Variants in NBPF9 observed in about 807,000 individuals in gnomAD.
NBPF9 encodes the protein NBPF family member NBPF9.
In NBPF9, 91 loss-of-function variants were observed where a neutral mutation model predicts 97.8. The ratio of observed to expected loss-of-function variants is 0.93; its 90% CI spans 0.79 to 1.11. NBPF9 has a LOEUF of 1.11. Among genes scored for constraint, NBPF9 ranks in the 50% least tolerant of loss-of-function variants. The pLI is 0.00. For missense variants in NBPF9, 992 were observed against 939.5 expected (o/e 1.06, Z -0.73); for synonymous variants, 334 against 359.5 (o/e 0.93, Z 0.80).
At position 149,076,699 on chromosome 1, in the gene NBPF9, G is replaced by A. The variant is rs1431551988; in HGVS notation, c.778+509C>T. Reference sequence around the variant, plus strand: ...TTTTTTTTGCATTTTTAGTAAAGACGGGGTTTCACCGTGTTAGCCAGGATG... The same window carrying A: ...TTTTTTTTGCATTTTTAGTAAAGACAGGGTTTCACCGTGTTAGCCAGGATG... On this transcript the variant is annotated intron_variant, in intron 11 of 29. Transcript: ENST00000584027. Among the ~76,000 whole-genome samples, 5 of 147,484 alleles carry A rather than the reference G, an allele frequency of 3.4e-5. 1 individual carries two copies. The highest frequency in any genetic ancestry group is 2.2e-4 in the South Asian group (1 of 4,630).
chr1:149,090,554 A>C, intron 5 of NBPF9, 199 bp downstream of exon 5: 1 of 519,112 alleles, frequency 1.9e-6, no homozygotes, highest in African/African-American at 1.9e-5. Context: ...GCCTAATGCA[A>C]TAAAGAATGC....
intron 4 of NBPF9, among the ~76,000 whole-genome samples, chr1:149,098,181 A>C (rs2081917544): frequency 6.6e-6 from 1 of 151,740 alleles, no homozygotes; most frequent in South Asian, 2.1e-4. Context: ...TCTAGCTACT[A>C]AGGAAAAGTC....
At position 149,092,817 on chromosome 1, in the gene NBPF9, C is replaced by T. The variant is rs1232992142; in HGVS notation, c.-336-1923G>A. 3 of 850,710 alleles carry T rather than the reference C, an allele frequency of 3.5e-6. No homozygotes were observed. The African/African-American group carries it at 5.5e-5, about 16-fold the overall frequency. 52.7% of individuals were successfully genotyped at this position (850,710 alleles called of 1,614,324 possible). Reference sequence around the variant, plus strand: ...AAGACAATGAGGGGTATTTCAGGCACTTGAGGAGTGTGGCTTTACTATTAT... The same window carrying T: ...AAGACAATGAGGGGTATTTCAGGCATTTGAGGAGTGTGGCTTTACTATTAT... On this transcript the variant is annotated intron_variant, in intron 4 of 29. Transcript: ENST00000584027.
rs1265987143 is a variant in NBPF9, at chr1:149,064,414, C to A, written c.1853+17G>T. 2 of 960,994 alleles carry A rather than the reference C, an allele frequency of 2.1e-6. No individual in the cohort carries two copies. Among genetic ancestry groups the A allele is most frequent in the Non-Finnish European group, 3.3e-6 (2 of 608,838 alleles). The allele number at this position is 960,994 out of a possible 1,614,324, so 59.5% of individuals were successfully genotyped here. A position where few individuals can be genotyped will look rare whatever the true frequency, so the allele number is the denominator to read the frequency against. Reference sequence around the variant, plus strand: ...GTGTCAACATCAAATTAACTGTCCACAATTTCTCAGACTCACCTGGGACCT... The same window carrying A: ...GTGTCAACATCAAATTAACTGTCCAAAATTTCTCAGACTCACCTGGGACCT... On this transcript the variant is annotated intron_variant, in intron 19 of 29. Coordinates refer to ENST00000584027, the Ensembl canonical transcript of NBPF9.
chr1:149,063,678 A>C, exon 20 of NBPF9: 1 of 618,520 alleles, frequency 1.6e-6, no homozygotes, highest in Non-Finnish European at 2.8e-6. Flanking sequence ...TCCAATACGT[A>C]AAAGGCACTT....
rs1424146125 is a variant in NBPF9 at position 149,082,328 on chromosome 1, A to C, written c.-92T>G. 1.8e-5 allele frequency: 28 copies of C among 1,546,196 alleles called. No individual in the cohort carries two copies. The Admixed American group carries it at 2.5e-4, about 14-fold the overall frequency. ...CAGCACTTTAGGATCCTTCACCACA[A>C]AAACAAGGTTTGAGGTGCCTCAACT... On this transcript the variant is annotated 5_prime_UTR_variant, in exon 6 of 30. Transcript: ENST00000584027.
At chr1:149,053,860 AC>A (rs1376256580), downstream of NBPF9, among the ~76,000 whole-genome samples, 21 of 146,804 alleles carry the variant, frequency 1.4e-4, 2 homozygotes, top group African/African-American at 5.2e-4. Flanking sequence ...GAGCTATACA[AC>A]CCTTCCTAAA....
chr1:149,090,253 T>G (rs1383580411), intron 5 of NBPF9: 1 of 154,118 alleles, frequency 6.5e-6, no homozygotes, highest in Non-Finnish European at 1.4e-5. Flanking sequence ...GGTTTCTTTT[T>G]GGCTACTTTG....
exon 30 of NBPF9, chr1:149,054,411 ATAAG>A (rs2078078951): frequency 7.8e-6 from 1 of 127,870 alleles, no homozygotes; most frequent in Non-Finnish European, 1.7e-5. Flanking sequence ...GTACTTCATT[ATAAG>A]TAAGGTGTCT....
At chr1:149,056,105 A>C (rs4999139) in intron 29 of NBPF9, among the ~76,000 whole-genome samples, 1 of 111,002 alleles carries the variant, frequency 9.0e-6, no homozygotes, top group Non-Finnish European at 2.1e-5. Flanking sequence ...CAGAGAGAGA[A>C]AGACAGAGAC....
chr1:149,055,318 C>G (rs1308079552), exon 30 of NBPF9: 29 of 470,280 alleles, frequency 6.2e-5, no homozygotes, highest in Non-Finnish European at 9.9e-5. Flanking sequence ...TGACAATGAC[C>G]TTGAGCAGGT....
At chr1:149,062,370 G>T (rs2078673348) in intron 21 of NBPF9, 105 bp from the exon 22 acceptor site, 2 of 654,170 alleles carry the variant, frequency 3.1e-6, no homozygotes, top group Admixed American at 4.8e-5. Flanking sequence ...AAAAGAAAAA[G>T]GACAGATCCA....
At chr1:149,099,954 C>G (rs1471920519) in intron 3 of NBPF9, among the ~76,000 whole-genome samples, 1 of 148,472 alleles carries the variant, frequency 6.7e-6, no homozygotes, top group Non-Finnish European at 1.5e-5. Context: ...TCCACTCCAG[C>G]CTGGGCAACA....
intron 17 of NBPF9, among the ~76,000 whole-genome samples, chr1:149,068,420 G>C (rs1259068765): frequency 1.1e-4 from 17 of 149,852 alleles, no homozygotes; most frequent in Non-Finnish European, 2.1e-4. Flanking sequence ...CAAAATAAAG[G>C]GATGGAGGAA....
chr1:149,082,957 C>CTTTTTTTTTTT (rs1157992196), intron 5 of NBPF9, among the ~76,000 whole-genome samples: 881 of 66,420 alleles, frequency 0.013, 5 homozygotes, highest in South Asian at 0.017. Context: ...TTTTTCTTTT[C>CTTTTTTTTTTT]TTTTTTTTTT....
Position 149,080,326 on chromosome 1 carries a change from T to C in NBPF9, c.176-171A>G, listed in dbSNP as rs1335768803. 6.0e-5 allele frequency among the ~76,000 whole-genome samples: 9 copies of C among 151,118 alleles called. No homozygotes were observed. The South Asian group carries it at 1.1e-3, about 18-fold the overall frequency. ...TTCAGTCTCCTGACTTTCTGGCATC[T>C]GATCCTCCAAAATTTAAAGACGAAG... is the stretch of plus-strand genomic sequence containing the variant. On this transcript the variant is annotated intron_variant, in intron 7 of 29. Coordinates refer to ENST00000584027, the Ensembl canonical transcript of NBPF9.
chr1:149,076,490 CT>C lies in NBPF9; in HGVS notation c.779-627del, dbSNP rs1302545276. Among the ~76,000 whole-genome samples the C allele has an allele frequency of 4.0e-5, 6 of 149,710 alleles. 1 individual carries two copies. The highest frequency in any genetic ancestry group is 5.9e-5 in the Non-Finnish European group (4 of 67,290). On this transcript the variant is annotated intron_variant, in intron 11 of 29. Coordinates refer to ENST00000584027, the Ensembl canonical transcript of NBPF9. ...GGGATTAAGATGTGAGCCAGCGCCCCTGGTCAGAGACTTTATTTTTTTTTTT... is the reference window on the plus strand; with the variant it reads ...GGGATTAAGATGTGAGCCAGCGCCCCGGTCAGAGACTTTATTTTTTTTTTT...
downstream of NBPF9, among the ~76,000 whole-genome samples, chr1:149,053,697 T>C (rs1553648031): frequency 7.6e-6 from 1 of 131,418 alleles, no homozygotes; most frequent in African/African-American, 2.9e-5. Flanking sequence ...GTAAAGGAGG[T>C]AGGAAAAAGA....
At chr1:149,070,649 G>A (rs1260305986) in intron 16 of NBPF9, among the ~76,000 whole-genome samples, 5 of 151,754 alleles carry the variant, frequency 3.3e-5, no homozygotes, top group Admixed American at 1.3e-4. Flanking sequence ...GATGACAAGA[G>A]ATACTGAATC....
Sources: allele counts gnomAD v4.1 joint callset (sites outside exome capture counted in the v4.1 genomes callset), GRCh38; gene constraint gnomAD v4.1.1; transcripts MANE v1.5; gene names NCBI Gene and HGNC (gene_info 2026-07-23, HGNC 2026-07-21).